The following ADAMTS17 variants were observed in gnomAD, a reference collection of about 807,000 sequenced individuals.
ADAMTS17 encodes A disintegrin and metalloproteinase with thrombospondin motifs 17.
A neutral mutation model predicts 141.5 loss-of-function variants in ADAMTS17; 113 were observed. That is an observed-to-expected ratio of 0.80 (90% CI 0.69 to 0.93). The LOEUF is 0.93. Among genes scored for constraint, ADAMTS17 ranks in the 40% least tolerant of loss-of-function variants. The pLI is 0.00. For missense variants in ADAMTS17, 1,659 were observed against 1,517.9 expected, an observed-to-expected ratio of 1.09 and a Z score of -1.54; for synonymous variants, 768 against 630.6, an observed-to-expected ratio of 1.22 and a Z score of -3.27.
rs1259674183 is a variant in ADAMTS17 at position 100,341,136 on chromosome 15, C to T, written c.353G>A (p.Arg118His). 1 of 1,432,074 alleles carries T rather than the reference C, an allele frequency of 7.0e-7. No individual in the cohort carries two copies. The highest frequency in any genetic ancestry group is 2.9e-5 in the Admixed American group (1 of 34,322). 88.7% of individuals were successfully genotyped at this position (1,432,074 alleles called of 1,614,324 possible). A position where few individuals can be genotyped will look rare whatever the true frequency, so the allele number is the denominator to read the frequency against. ...GAAGCACAGCTCGGCGGGGCGGCCG[C>T]GGCGCCGGGCCGCGCCCGCCTCCTC... ...EVEEAGAARR[R>H]GRPAELCFYS... The change falls in exon 2 of 22, where the codon CGC becomes CAC. Residue 118 changes from arginine (R) to histidine (H), a missense_variant. By Grantham distance (29) the Arg-to-His change is conservative (BLOSUM62 0). Coordinates refer to ENST00000268070, the MANE Select transcript of ADAMTS17 (RefSeq NM_139057.4).
At chr15:100,315,476 G>A (rs1240826518) in intron 3 of ADAMTS17, among the ~76,000 whole-genome samples, 3 of 152,134 alleles carry the variant, frequency 2.0e-5, no homozygotes, top group Admixed American at 6.5e-5. Context: ...CAGCATAAAG[G>A]AACATTAGTC....
At chr15:100,211,099 C>CAAATAAATAAATAAATAAAT (rs372084235) in intron 7 of ADAMTS17, among the ~76,000 whole-genome samples, 14 of 131,868 alleles carry the variant, frequency 1.1e-4, no homozygotes, top group Non-Finnish European at 1.9e-4. Flanking sequence ...GACTCAGTCT[C>CAAATAAATAAATAAATAAAT]AAATAAATAA....
chr15:100,110,770 T>C (rs2036726139), intron 13 of ADAMTS17, among the ~76,000 whole-genome samples: 1 of 152,114 alleles, frequency 6.6e-6, no homozygotes. Flanking sequence ...CCTCAGTGGG[T>C]CCTTCTGGTG....
chr15:100,159,764 T>G (rs1332843222), intron 8 of ADAMTS17, among the ~76,000 whole-genome samples: 1 of 152,242 alleles, frequency 6.6e-6, no homozygotes, highest in Non-Finnish European at 1.5e-5. Flanking sequence ...GGAGTCCTAG[T>G]CTGAGTCACA....
intron 3 of ADAMTS17, among the ~76,000 whole-genome samples, chr15:100,323,146 GA>G (rs972065294): frequency 6.8e-6 from 1 of 147,146 alleles, no homozygotes; most frequent in African/African-American, 2.5e-5. Context: ...AAAATTATAT[GA>G]AAAAATAAAA....
intron 15 of ADAMTS17, chr15:100,063,681 AG>A: frequency 1.6e-6 from 2 of 1,289,940 alleles, no homozygotes; most frequent in Non-Finnish European, 2.0e-6. Context: ...TGTTTTACCC[AG>A]AAAGCTGTGG....
intron 18 of ADAMTS17, among the ~76,000 whole-genome samples, chr15:100,047,725 G>C (rs1341876911): frequency 6.6e-6 from 1 of 152,116 alleles, no homozygotes; most frequent in African/African-American, 2.4e-5. Flanking sequence ...GCCATCTTTA[G>C]TTTCCAGAGA....
chr15:100,215,011 G>C (rs1159693470), intron 7 of ADAMTS17, among the ~76,000 whole-genome samples: 1 of 152,196 alleles, frequency 6.6e-6, no homozygotes, highest in Non-Finnish European at 1.5e-5. Context: ...TTGGTATCAT[G>C]AAATAAAGAC....
At chr15:100,160,900 C>T (rs2039661877) in intron 8 of ADAMTS17, among the ~76,000 whole-genome samples, 1 of 152,190 alleles carries the variant, frequency 6.6e-6, no homozygotes, top group South Asian at 2.1e-4. Flanking sequence ...ACTGTCTAGG[C>T]TATTTTTAGT....
At chr15:100,182,953 T>C (rs1263071224) in intron 8 of ADAMTS17, among the ~76,000 whole-genome samples, 1 of 152,224 alleles carries the variant, frequency 6.6e-6, no homozygotes, top group Non-Finnish European at 1.5e-5. Context: ...TTTTTTCCAG[T>C]GCCACAATCT....
At chr15:99,981,513 C>T (rs981933354) in intron 20 of ADAMTS17, among the ~76,000 whole-genome samples, 1 of 152,206 alleles carries the variant, frequency 6.6e-6, no homozygotes, top group African/African-American at 2.4e-5. Context: ...TCTGACTCAC[C>T]TGGGAGAATT....
At chr15:100,162,312 G>A (rs1037272528) in intron 8 of ADAMTS17, among the ~76,000 whole-genome samples, 7 of 150,068 alleles carry the variant, frequency 4.7e-5, no homozygotes, top group East Asian at 2.0e-4. Context: ...ACATATATAC[G>A]TACATGTAAG....
intron 8 of ADAMTS17, among the ~76,000 whole-genome samples, chr15:100,169,387 A>G (rs2040073586): frequency 6.6e-6 from 1 of 152,204 alleles, no homozygotes; most frequent in Non-Finnish European, 1.5e-5. Flanking sequence ...AAAATACTCT[A>G]CAAGGGGCAC....
chr15:100,273,578 CTTTT>C (rs1178585467), intron 4 of ADAMTS17, among the ~76,000 whole-genome samples: 1 of 152,050 alleles, frequency 6.6e-6, no homozygotes, highest in South Asian at 2.1e-4. Flanking sequence ...TAATTTGAGG[CTTTT>C]TTATCAGTCG....
At chr15:100,267,505 G>C (rs1372954737) in intron 4 of ADAMTS17, among the ~76,000 whole-genome samples, 1 of 152,128 alleles carries the variant, frequency 6.6e-6, no homozygotes, top group Non-Finnish European at 1.5e-5. Context: ...TTCGTGGTAA[G>C]TCTAAATGAA....
chr15:100,088,506 A>T (rs1357810869), intron 15 of ADAMTS17, among the ~76,000 whole-genome samples: 1 of 152,130 alleles, frequency 6.6e-6, no homozygotes, highest in Non-Finnish European at 1.5e-5. Flanking sequence ...TTCATATGGA[A>T]CCAAAAAAAT....
At chr15:100,225,075 A>C (rs779188759) in intron 7 of ADAMTS17, among the ~76,000 whole-genome samples, 2 of 152,326 alleles carry the variant, frequency 1.3e-5, no homozygotes, top group Admixed American at 6.5e-5. Context: ...GCCATGGGGA[A>C]CCTGCCTTTG....
chr15:100,110,248 T>C (rs1178926192), intron 13 of ADAMTS17, among the ~76,000 whole-genome samples: 1 of 145,272 alleles, frequency 6.9e-6, no homozygotes, highest in Non-Finnish European at 1.5e-5. Flanking sequence ...TATATATATA[T>C]ATAAATACAT....
chr15:100,269,522 T>G (rs1166473880), intron 4 of ADAMTS17, among the ~76,000 whole-genome samples: 2 of 152,212 alleles, frequency 1.3e-5, no homozygotes, highest in East Asian at 3.9e-4. Context: ...TCCCAGGAGG[T>G]GAGCTCTAGA....
Sources: allele counts gnomAD v4.1 joint callset (sites outside exome capture counted in the v4.1 genomes callset), GRCh38; gene constraint gnomAD v4.1.1; transcripts MANE v1.5; gene names NCBI Gene and HGNC (gene_info 2026-07-23, HGNC 2026-07-21).